KCNQ1: variants seen among roughly 807,000 people sequenced by gnomAD.
KCNQ1 encodes the protein potassium voltage-gated channel subfamily Q member 1.
Under a neutral mutation model 72.4 loss-of-function variants are expected in KCNQ1, and 49 were observed. The ratio of observed to expected loss-of-function variants is 0.68; its 90% CI spans 0.54 to 0.86. The LOEUF (loss-of-function observed/expected upper bound fraction) is 0.86, where lower values mean the gene tolerates loss of function less well. KCNQ1 is among the 40% of genes least tolerant of loss of function. The pLI is 0.00. For synonymous variants in KCNQ1, 450 were observed against 412.6 expected (o/e 1.09, Z -1.10); for missense variants, 790 against 945.1 (o/e 0.84, Z 2.15).
intron 10 of KCNQ1, chr11:2,628,349 T>C (rs747119271): frequency 5.5e-5 from 22 of 398,482 alleles, no homozygotes; most frequent in Admixed American, 1.8e-4. Flanking sequence ...TGAGGTGATA[T>C]CTCAGTGTGG....
intron 11 of KCNQ1, among the ~76,000 whole-genome samples, chr11:2,709,654 C>T (rs1301630695): frequency 1.3e-5 from 2 of 152,052 alleles, no homozygotes; most frequent in Non-Finnish European, 2.9e-5. Context: ...CTCTCATTCC[C>T]CAGCCCCAGT....
chr11:2,728,617 C>T (rs1189501471), intron 11 of KCNQ1, among the ~76,000 whole-genome samples: 2 of 152,212 alleles, frequency 1.3e-5, no homozygotes, highest in Non-Finnish European at 2.9e-5. Flanking sequence ...GGGGCCTGAG[C>T]CTACTGCATC....
intron 15 of KCNQ1, among the ~76,000 whole-genome samples, chr11:2,795,556 C>A (rs986838725): frequency 3.9e-5 from 6 of 152,190 alleles, no homozygotes; most frequent in Non-Finnish European, 4.4e-5. Context: ...CTTGAGCAGG[C>A]CCCTGATCTA....
intron 1 of KCNQ1, among the ~76,000 whole-genome samples, chr11:2,449,410 C>T (rs1437158731): frequency 4.6e-5 from 7 of 152,122 alleles, no homozygotes; most frequent in Admixed American, 6.5e-5. Flanking sequence ...AGGGGCTTTG[C>T]GGGGACACTC....
chr11:2,843,417 C>T (rs1377403692), intron 15 of KCNQ1, among the ~76,000 whole-genome samples: 2 of 152,234 alleles, frequency 1.3e-5, no homozygotes, highest in Non-Finnish European at 2.9e-5. Flanking sequence ...TGACCTTTGC[C>T]CTGCGACCCT....
chr11:2,714,417 G>A (rs1851055188), intron 11 of KCNQ1, among the ~76,000 whole-genome samples: 1 of 152,190 alleles, frequency 6.6e-6, no homozygotes, highest in Non-Finnish European at 1.5e-5. Context: ...TGGTGGCAGT[G>A]GAGTCAGGGC....
chr11:2,613,320 A>T lies in KCNQ1; in HGVS notation c.1393+24466A>T, dbSNP rs575154220. The T allele has an allele frequency of 2.3e-5, 9 of 398,358 alleles. No individual in the cohort carries two copies. The highest frequency in any genetic ancestry group is 1.4e-4 in the African/African-American group (7 of 48,652). The allele number at this position is 398,358 out of a possible 1,614,324, so 24.7% of individuals were successfully genotyped here. ...CCATATCTCCAGAATTCCTTTTAAA[A>T]TTTTTCTTAATCTGTCGCTTGCCCA... On this transcript the variant is annotated intron_variant, in intron 10 of 15. Coordinates refer to ENST00000155840, the MANE Select transcript of KCNQ1 (RefSeq NM_000218.3). This position sits in a 1 kb window ranked among gnomAD's most constrained non-coding sequence, Gnocchi z 4.8.
rs563714701 is a variant in KCNQ1, at chr11:2,478,724, A to G, written c.386+33240A>G. ...TCCACCCCGGCCCCTCCCTAATCTC[A>G]TGTCCTCACATTTCAAAACCAATCA... On this transcript the variant is annotated intron_variant, in intron 1 of 15. Transcript: ENST00000155840. This position sits in a 1 kb window ranked among gnomAD's most constrained non-coding sequence, Gnocchi z 4.0. 6.6e-5 allele frequency among the ~76,000 whole-genome samples: 10 copies of G among 152,250 alleles called. No homozygotes were observed. The highest frequency in any genetic ancestry group is 2.2e-4 in the African/African-American group (9 of 41,554).
At position 2,711,008 on chromosome 11, in the gene KCNQ1, A is replaced by C. The variant is rs538491004; in HGVS notation, c.1514+48927A>C. On this transcript the variant is annotated intron_variant, in intron 11 of 15. Coordinates refer to ENST00000155840, the MANE Select transcript of KCNQ1 (RefSeq NM_000218.3). The surrounding 1 kb of genome is among the most constrained non-coding windows in gnomAD (Gnocchi z 5.4). ...TTACAATCAGCTTGTCAATTTCTGC[A>C]AAGAAACCATCTGGGATACCAATAG... Among the ~76,000 whole-genome samples the C allele has an allele frequency of 5.6e-4, 85 of 152,334 alleles. 1 individual carries two copies. The highest frequency in any genetic ancestry group is 1.1e-3 in the Non-Finnish European group (78 of 68,030).
intron 10 of KCNQ1, among the ~76,000 whole-genome samples, chr11:2,597,973 TAATC>T (rs1270452444): frequency 5.9e-5 from 9 of 152,158 alleles, no homozygotes; most frequent in East Asian, 1.9e-4. Flanking sequence ...CCTTTTTTCT[TAATC>T]AAGCACATGA....
intron 10 of KCNQ1, chr11:2,615,964 T>C (rs1849055859): frequency 2.5e-6 from 1 of 398,170 alleles, no homozygotes; most frequent in Non-Finnish European, 4.4e-6. Context: ...TTTGGTATAA[T>C]TCAACAGTGA....
chr11:2,652,614 G>C lies in KCNQ1; in HGVS notation c.1394-9347G>C, dbSNP rs1057317249. On this transcript the variant is annotated intron_variant, in intron 10 of 15. Coordinates refer to ENST00000155840, the MANE Select transcript of KCNQ1 (RefSeq NM_000218.3). The surrounding 1 kb of genome is among the most constrained non-coding windows in gnomAD (Gnocchi z 5.9). ...CTGCCTGGAACCTTCCCCTGAAAAT[G>C]TGTCTTGGGAGACCTAGACAGTGAC... The C allele has an allele frequency of 5.0e-6, 2 of 398,576 alleles. No homozygotes were observed. Among genetic ancestry groups the C allele is most frequent in the Non-Finnish European group, 8.8e-6 (2 of 226,084 alleles). 24.7% of individuals were successfully genotyped at this position (398,576 alleles called of 1,614,324 possible). A position where few individuals can be genotyped will look rare whatever the true frequency, so the allele number is the denominator to read the frequency against.
intron 15 of KCNQ1, among the ~76,000 whole-genome samples, chr11:2,786,157 G>T (rs141328468): frequency 6.6e-6 from 1 of 152,020 alleles, no homozygotes; most frequent in Non-Finnish European, 1.5e-5. Context: ...GATTTTGTCC[G>T]CAAATGACCA....
chr11:2,545,605 GTGAT>G (rs557249351), intron 2 of KCNQ1, among the ~76,000 whole-genome samples: 2 of 152,004 alleles, frequency 1.3e-5, no homozygotes, highest in Non-Finnish European at 2.9e-5. Flanking sequence ...TTACATTGAG[GTGAT>G]TGATAGGTGA....
intron 11 of KCNQ1, among the ~76,000 whole-genome samples, chr11:2,722,780 C>A (rs1452146645): frequency 2.0e-5 from 3 of 152,132 alleles, no homozygotes; most frequent in South Asian, 2.1e-4. Context: ...GCCCTGTGAC[C>A]AAGACCCTTC....
intron 1 of KCNQ1, among the ~76,000 whole-genome samples, chr11:2,499,052 C>G (rs1343540046): frequency 6.6e-6 from 1 of 152,156 alleles, no homozygotes; most frequent in African/African-American, 2.4e-5. Context: ...TGGGCTGCAC[C>G]CACTGCCTAA....
Position 2,648,319 on chromosome 11 carries a change from T to G in KCNQ1, c.1394-13642T>G, listed in dbSNP as rs925997851. ...ATTTATTTCCTTCTAATTTTAGGTT[T>G]GATTTGTTCTTGCTTTTCTAGTTCC... is the stretch of plus-strand genomic sequence containing the variant. On this transcript the variant is annotated intron_variant, in intron 10 of 15. Transcript: ENST00000155840. The G allele has an allele frequency of 4.8e-5, 19 of 398,508 alleles. No individual in the cohort carries two copies. The Admixed American group carries it at 5.7e-4, about 12-fold the overall frequency. 24.7% of individuals were successfully genotyped at this position (398,508 alleles called of 1,614,324 possible).
intron 15 of KCNQ1, among the ~76,000 whole-genome samples, chr11:2,823,452 A>T (rs1280517019): frequency 6.6e-6 from 1 of 152,268 alleles, no homozygotes; most frequent in African/African-American, 2.4e-5. Flanking sequence ...GTTCTGGAGA[A>T]TGCACTCCAG....
At chr11:2,560,790 G>C (rs1041295096) in intron 2 of KCNQ1, among the ~76,000 whole-genome samples, 3 of 152,054 alleles carry the variant, frequency 2.0e-5, no homozygotes, top group African/African-American at 7.2e-5. Flanking sequence ...TGGAGAAGGC[G>C]GGCCCCTGAC....
Sources: gnomAD v4.1 joint callset for allele counts (sites outside exome capture counted in the v4.1 genomes callset) on GRCh38, gnomAD v4.1.1 for gene constraint, Gnocchi (gnomAD v3.1) non-coding constraint, MANE v1.5 for transcripts, NCBI Gene and HGNC (gene_info 2026-07-23, HGNC 2026-07-21) for gene names.